LEKR1: variants seen among roughly 807,000 people sequenced by gnomAD.
LEKR1 encodes the protein protein LEKR1.
Under a neutral mutation model 72.4 loss-of-function variants are expected in LEKR1, and 59 were observed. That is an observed-to-expected ratio of 0.82 (90% CI 0.66 to 1.01). LEKR1 has a LOEUF of 1.01. Ranked by LOEUF, LEKR1 falls within the 50% of genes least tolerant of loss-of-function variation. LEKR1 has a pLI of 0.00. For missense variants in LEKR1, 728 were observed against 759.2 expected, an observed-to-expected ratio of 0.96 and a Z score of 0.48; for synonymous variants, 257 against 263.2, an observed-to-expected ratio of 0.98 and a Z score of 0.23.
In LEKR1 at chr3:156,874,527, A is replaced by AT. The variant is rs1258411039; in HGVS notation, c.263+21552dup. 4.1e-5 allele frequency among the ~76,000 whole-genome samples: 5 copies of AT among 123,012 alleles called. No individual in the cohort carries two copies. In the South Asian group the frequency reaches 1.2e-3, roughly 30 times the overall value. 80.7% of individuals were successfully genotyped at this position (123,012 alleles called of 152,430 possible). A position where few individuals can be genotyped will look rare whatever the true frequency, so the allele number is the denominator to read the frequency against. Reference sequence around the variant, plus strand: ...ATTTTCCCTTGGCTTGTTATATGTGATTTTTTTAAAAAACTTTTTTTTTTC... The same window carrying AT: ...ATTTTCCCTTGGCTTGTTATATGTGATTTTTTTTAAAAAACTTTTTTTTTTC... On this transcript the variant is annotated intron_variant, in intron 3 of 12. Coordinates refer to ENST00000356539, the MANE Select transcript of LEKR1 (RefSeq NM_001004316.3).
chr3:156,894,813 A>G (rs758065402), intron 3 of LEKR1, among the ~76,000 whole-genome samples: 15 of 152,216 alleles, frequency 9.9e-5, no homozygotes, highest in Non-Finnish European at 1.9e-4. Flanking sequence ...TATTCAATAA[A>G]TGCTGCTGGA....
chr3:156,827,057 C>G (rs1163856155), intron 1 of LEKR1: 1 of 153,110 alleles, frequency 6.5e-6, no homozygotes, highest in Non-Finnish European at 1.5e-5. Flanking sequence ...GGTCCACATA[C>G]GTGCAATGAG....
At chr3:156,932,567 G>A (rs1231507299) in intron 5 of LEKR1, among the ~76,000 whole-genome samples, 1 of 151,962 alleles carries the variant, frequency 6.6e-6, no homozygotes, top group Non-Finnish European at 1.5e-5. Flanking sequence ...ACAAAAATTA[G>A]CCAGGTGTGG....
At chr3:156,989,856 A>C (rs531443168) in intron 7 of LEKR1, among the ~76,000 whole-genome samples, 87 of 151,554 alleles carry the variant, frequency 5.7e-4, no homozygotes, top group African/African-American at 1.4e-3. Context: ...CACACACACA[A>C]ATTTTTTTCC....
At position 156,950,312 on chromosome 3, in the gene LEKR1, C is replaced by G. The variant is rs1311215727; in HGVS notation, c.745+7598C>G. 2.0e-5 allele frequency among the ~76,000 whole-genome samples: 3 copies of G among 151,554 alleles called. No homozygotes were observed. The South Asian group carries it at 6.2e-4, about 32-fold the overall frequency. On this transcript the variant is annotated intron_variant, in intron 6 of 12. Transcript: ENST00000356539. ...TTCTTTTTGCTTAGGATTTCCTTGGCTATTCTGGCTCTTTTTTGATTCCAT... is the reference window on the plus strand; with the variant it reads ...TTCTTTTTGCTTAGGATTTCCTTGGGTATTCTGGCTCTTTTTTGATTCCAT...
At chr3:156,936,116 TAAAC>T (rs1297878773) in intron 5 of LEKR1, among the ~76,000 whole-genome samples, 5 of 152,134 alleles carry the variant, frequency 3.3e-5, no homozygotes, top group Non-Finnish European at 5.9e-5. Context: ...TTAAATTTAT[TAAAC>T]AAACACTATT....
chr3:156,827,187 A>G (rs963755815), intron 1 of LEKR1: 1 of 152,222 alleles, frequency 6.6e-6, no homozygotes, highest in Non-Finnish European at 1.5e-5. Flanking sequence ...TGAGAAACTT[A>G]GTATTTGTGA....
intron 5 of LEKR1, among the ~76,000 whole-genome samples, chr3:156,928,352 G>T (rs1724916448): frequency 6.6e-6 from 1 of 152,042 alleles, no homozygotes. Context: ...CTCCCACAGG[G>T]TGTCCCTAGT....
At chr3:156,900,063 A>G (rs1172905420) in intron 3 of LEKR1, among the ~76,000 whole-genome samples, 1 of 152,092 alleles carries the variant, frequency 6.6e-6, no homozygotes, top group African/African-American at 2.4e-5. Flanking sequence ...GGTAAACTCA[A>G]ATGCCTAGGA....
At chr3:156,909,989 A>C (rs1213635290) in intron 3 of LEKR1, among the ~76,000 whole-genome samples, 3 of 152,106 alleles carry the variant, frequency 2.0e-5, no homozygotes, top group Non-Finnish European at 4.4e-5. Flanking sequence ...TCAAGTTTTT[A>C]AAGATGTGAA....
intron 7 of LEKR1, among the ~76,000 whole-genome samples, chr3:156,986,663 C>A (rs188897633): frequency 6.6e-6 from 1 of 152,268 alleles, no homozygotes; most frequent in Non-Finnish European, 1.5e-5. Context: ...CAAATCCCAG[C>A]ACTACAACTT....
intron 3 of LEKR1, among the ~76,000 whole-genome samples, chr3:156,902,921 T>C (rs1456445223): frequency 6.6e-6 from 1 of 152,122 alleles, no homozygotes; most frequent in Non-Finnish European, 1.5e-5. Context: ...GTAAGCATTT[T>C]TCTGTTATTT....
intron 11 of LEKR1, among the ~76,000 whole-genome samples, chr3:157,026,927 A>C (rs1734228316): frequency 6.6e-6 from 1 of 152,222 alleles, no homozygotes; most frequent in South Asian, 2.1e-4. Context: ...TTATTCTCTC[A>C]TTCATTTATC....
intron 7 of LEKR1, among the ~76,000 whole-genome samples, chr3:156,981,100 T>G (rs1730158923): frequency 6.6e-6 from 1 of 152,224 alleles, no homozygotes; most frequent in Non-Finnish European, 1.5e-5. Context: ...TGTATAGGTT[T>G]GTAGCCTAGG....
At chr3:156,899,255 T>TGTATATATAC (rs1491588882) in intron 3 of LEKR1, among the ~76,000 whole-genome samples, 3 of 4,144 alleles carry the variant, frequency 7.2e-4, no homozygotes, top group Non-Finnish European at 1.2e-3. Flanking sequence ...TATATATACA[T>TGTATATATAC]ATATATATAT....
At chr3:157,037,896 T>A (rs538389078) in intron 12 of LEKR1, among the ~76,000 whole-genome samples, 1 of 152,034 alleles carries the variant, frequency 6.6e-6, no homozygotes, top group Non-Finnish European at 1.5e-5. Flanking sequence ...GCAAGGAACA[T>A]ACTGGGAACC....
intron 3 of LEKR1, among the ~76,000 whole-genome samples, chr3:156,879,936 C>A (rs545615816): frequency 1.1e-4 from 16 of 152,186 alleles, no homozygotes; most frequent in Admixed American, 2.0e-4. Flanking sequence ...TATAGAAACA[C>A]CTGAATGTCT....
At chr3:156,829,198 C>T in intron 1 of LEKR1, 88 bp from the exon 2 acceptor site, 1 of 591,304 alleles carries the variant, frequency 1.7e-6, no homozygotes, top group Non-Finnish European at 3.0e-6. Flanking sequence ...CCATTCATCC[C>T]CAAATACTTC....
intron 2 of LEKR1, among the ~76,000 whole-genome samples, chr3:156,836,356 C>G (rs919951153): frequency 2.6e-5 from 4 of 151,662 alleles, no homozygotes; most frequent in South Asian, 2.1e-4. Context: ...TAAGGAATCC[C>G]AGGCTGGCAA....
Sources: gnomAD v4.1 joint callset for allele counts (sites outside exome capture counted in the v4.1 genomes callset) on GRCh38, gnomAD v4.1.1 for gene constraint, MANE v1.5 for transcripts, NCBI Gene and HGNC (gene_info 2026-07-23, HGNC 2026-07-21) for gene names.